ARMC2: variants seen among roughly 807,000 people sequenced by gnomAD.
The protein encoded by ARMC2 is armadillo repeat containing 2.
ARMC2 carries 67 observed loss-of-function variants against 90.3 expected under a neutral mutation model. That is an observed-to-expected ratio of 0.74 (90% confidence interval 0.61 to 0.91). The LOEUF (loss-of-function observed/expected upper bound fraction) is 0.91. Among genes scored for constraint, ARMC2 ranks in the 40% least tolerant of loss-of-function variants. The pLI is 0.00. For missense variants in ARMC2, 920 were observed against 1,030.9 expected (o/e 0.89, Z 1.47); for synonymous variants, 393 against 393.0 (o/e 1.00, Z 0.00).
At position 108,912,479 on chromosome 6, in the gene ARMC2, T is replaced by C. The variant is rs1457073814; in HGVS notation, c.1271T>C (p.Ile424Thr). Reference sequence around the variant, plus strand: ...AGCAAAGGTGCTGTGGAAATACTGATAAATTTGATAAAACAAATAAATGAG... The same window carrying C: ...AGCAAAGGTGCTGTGGAAATACTGACAAATTTGATAAAACAAATAAATGAG... ...MISKGAVEIL[I>T]NLIKQINENI... Residue 424 changes from isoleucine (I) to threonine (T), a missense_variant, in exon 10 of 18, where the codon ATA (isoleucine) becomes ACA (threonine). Coordinates refer to ENST00000392644, the MANE Select transcript of ARMC2 (RefSeq NM_032131.6). 2 of 1,614,016 alleles carry C rather than the reference T, an allele frequency of 1.2e-6. No individual in the cohort carries two copies. The highest frequency in any genetic ancestry group is 1.3e-5 in the African/African-American group (1 of 75,070).
chr6:108,860,516 G>A (rs13196013), intron 3 of ARMC2, among the ~76,000 whole-genome samples: 1 of 152,034 alleles, frequency 6.6e-6, no homozygotes, highest in South Asian at 2.1e-4. Flanking sequence ...CAAAAAATTA[G>A]CCGAGTGTGG....
chr6:108,984,666 T>C, the ARMC2 span, among the ~76,000 whole-genome samples: 1 of 152,252 alleles, frequency 6.6e-6, no homozygotes, highest in Admixed American at 6.5e-5. Flanking sequence ...TTATTCTTTT[T>C]GATCCTATTG....
At chr6:108,940,543 G>T (rs1776353246) in intron 12 of ARMC2, among the ~76,000 whole-genome samples, 1 of 152,074 alleles carries the variant, frequency 6.6e-6, no homozygotes, top group African/African-American at 2.4e-5. Context: ...GTTTTTGCTT[G>T]GCCAGCACCA....
chr6:109,000,431 C>A, the ARMC2 span: 3 of 1,311,848 alleles, frequency 2.3e-6, no homozygotes, highest in African/African-American at 3.0e-5. Flanking sequence ...TTTCTGTAAT[C>A]CTAAAACTGC....
intron 5 of ARMC2, among the ~76,000 whole-genome samples, chr6:108,881,585 G>A (rs2768538): frequency 0.77 from 116,954 of 152,036 alleles, 45,477 homozygotes; most frequent in South Asian, 0.86. Context: ...GGCAGGCTGC[G>A]GGAGCAGGGA....
chr6:108,956,673 C>T (rs1200936860), intron 13 of ARMC2, among the ~76,000 whole-genome samples: 1 of 151,940 alleles, frequency 6.6e-6, no homozygotes, highest in Non-Finnish European at 1.5e-5. Context: ...TGCACTCTGG[C>T]CTGGGCAACA....
intron 4 of ARMC2, among the ~76,000 whole-genome samples, chr6:108,875,773 A>G (rs1201562510): frequency 5.9e-5 from 9 of 152,204 alleles, no homozygotes; most frequent in Admixed American, 5.9e-4. Flanking sequence ...GGAGCCACTC[A>G]GTAAATATTT....
At chr6:109,048,906 C>T in the ARMC2 span, among the ~76,000 whole-genome samples, 12 of 152,228 alleles carry the variant, frequency 7.9e-5, no homozygotes, top group Middle Eastern at 0.01. Context: ...TAAAAAGTGA[C>T]GGGATGAGTA....
At chr6:108,955,241 C>T (rs1039139675) in intron 13 of ARMC2, among the ~76,000 whole-genome samples, 10 of 152,194 alleles carry the variant, frequency 6.6e-5, no homozygotes, top group African/African-American at 1.2e-4. Context: ...TCAAGGAATT[C>T]GGCCTATATG....
intron 5 of ARMC2, among the ~76,000 whole-genome samples, chr6:108,886,349 G>A (rs528583800): frequency 2.6e-5 from 4 of 152,234 alleles, no homozygotes; most frequent in Middle Eastern, 3.4e-3. Flanking sequence ...CCTGTGGTTG[G>A]GAGTTCGAGA....
the ARMC2 span, among the ~76,000 whole-genome samples, chr6:108,997,482 G>A: frequency 3.3e-5 from 5 of 152,052 alleles, no homozygotes; most frequent in Non-Finnish European, 5.9e-5. Context: ...ATCAACCTTG[G>A]GAAAATTATT....
At position 108,877,173 on chromosome 6, in the gene ARMC2, A is replaced by G. The variant is rs576118522; in HGVS notation, c.671+823A>G. 3.3e-5 allele frequency among the ~76,000 whole-genome samples: 5 copies of G among 152,366 alleles called. No homozygotes were observed. In the East Asian group the frequency reaches 9.6e-4, roughly 29 times the overall value. On this transcript the variant is annotated intron_variant, in intron 5 of 17. Coordinates refer to ENST00000392644, the MANE Select transcript of ARMC2 (RefSeq NM_032131.6). ...TTCTAGGACTTTCCATTGGGTCATC[A>G]TGGATAACTGCCCGGTTCAGATTTG...
intron 4 of ARMC2, 132 bp from the exon 5 acceptor site, chr6:108,876,011 A>T: frequency 2.4e-6 from 2 of 825,530 alleles, no homozygotes; most frequent in South Asian, 1.7e-5. Context: ...TGGCCATAAA[A>T]TTCCAGACTT....
At chr6:109,050,649 A>C in the ARMC2 span, among the ~76,000 whole-genome samples, 1 of 152,218 alleles carries the variant, frequency 6.6e-6, no homozygotes, top group African/African-American at 2.4e-5. Context: ...GTTCCCTCCC[A>C]TTCCTAAATC....
At chr6:109,009,272 C>G in the ARMC2 span, 1 of 1,212,182 alleles carries the variant, frequency 8.2e-7, no homozygotes, top group Non-Finnish European at 1.1e-6. Flanking sequence ...GAGGAGGCAA[C>G]GTGACCTCCG....
chr6:108,959,107 A>T, intron 13 of ARMC2, among the ~76,000 whole-genome samples: 1 of 152,174 alleles, frequency 6.6e-6, no homozygotes, highest in East Asian at 1.9e-4. Flanking sequence ...TCAGGTCTTT[A>T]TTTATTCTTT....
rs79982681 is a variant in ARMC2 at position 108,918,555 on chromosome 6, T to G, written c.1350+5997T>G. Among the ~76,000 whole-genome samples, 1,470 of 152,308 alleles carry G rather than the reference T, an allele frequency of 9.7e-3. 30 individuals carry two copies. Among genetic ancestry groups the G allele is most frequent in the African/African-American group, 0.034 (1,405 of 41,574 alleles). On this transcript the variant is annotated intron_variant, in intron 10 of 17. Transcript: ENST00000392644. ...TGGCAGAGCTGGGCTCAATCCTGTA[T>G]TCATTGTTTGCCGTTGGGAACCCTG...
chr6:108,862,754 T>A (rs956669684), intron 3 of ARMC2, among the ~76,000 whole-genome samples: 5 of 151,740 alleles, frequency 3.3e-5, no homozygotes, highest in African/African-American at 1.2e-4. Flanking sequence ...GCTGAAAGAG[T>A]TTGTGAGGAC....
the ARMC2 span, among the ~76,000 whole-genome samples, chr6:109,005,493 A>G: frequency 6.6e-6 from 1 of 152,204 alleles, no homozygotes; most frequent in Non-Finnish European, 1.5e-5. Context: ...GAGGTATACA[A>G]ATTATATTAT....
Sources: gnomAD v4.1 joint callset for allele counts (sites outside exome capture counted in the v4.1 genomes callset) on GRCh38, gnomAD v4.1.1 for gene constraint, MANE v1.5 for transcripts, NCBI Gene and HGNC (gene_info 2026-07-23, HGNC 2026-07-21) for gene names.